The following GIGYF2 variants were observed in gnomAD, a reference collection of about 807,000 sequenced individuals.
GIGYF2 encodes GRB10 interacting GYF protein 2.
A neutral mutation model predicts 208.1 loss-of-function variants in GIGYF2; 25 were observed. The observed-to-expected ratio is 0.12, with a 90% confidence interval of 0.09 to 0.17. The LOEUF is 0.17. GIGYF2 is among the 10% of genes least tolerant of loss of function. The pLI is 1.00. For missense variants in GIGYF2, 1,302 were observed against 1,579.4 expected (o/e 0.82, Z 2.98); for synonymous variants, 534 against 543.8 (o/e 0.98, Z 0.25).
intron 21 of GIGYF2, among the ~76,000 whole-genome samples, chr2:232,829,085 T>G (rs1442523476): frequency 1.3e-5 from 2 of 152,234 alleles, no homozygotes; most frequent in Non-Finnish European, 2.9e-5. Context: ...GCCATGCATT[T>G]TCATCTTAAG....
At chr2:232,780,924 T>G (rs1046697929) in intron 8 of GIGYF2, among the ~76,000 whole-genome samples, 1 of 152,080 alleles carries the variant, frequency 6.6e-6, no homozygotes, top group Non-Finnish European at 1.5e-5. Context: ...TGCCCATGAA[T>G]GACTTTAATA....
In GIGYF2 at chr2:232,847,357, T is replaced by C. The variant is rs778878138; in HGVS notation, c.3470T>C (p.Phe1157Ser). 6.2e-7 allele frequency: 1 copy of C among 1,611,518 alleles called. No homozygotes were observed. The highest frequency in any genetic ancestry group is 8.5e-7 in the Non-Finnish European group (1 of 1,177,996). The change falls in exon 27 of 29, where the codon TTT becomes TCT. Residue 1157 changes from phenylalanine (F) to serine (S), a missense_variant. Phe to Ser is a radical substitution (Grantham distance 155). Coordinates refer to ENST00000373563, the MANE Select transcript of GIGYF2 (RefSeq NM_001103146.3). ...NTANNLDVPTFVSFLKEVESP... is the reference protein window; with the variant it reads ...NTANNLDVPTSVSFLKEVESP... The stretch of plus-strand genomic sequence containing the variant: ...CCCTCCCGTTTTGCAGTTCCCACAT[T>C]TGTTTCTTTCCTGAAAGAAGTAGAA...
At chr2:232,829,348 A>G (rs1436810498) in intron 21 of GIGYF2, among the ~76,000 whole-genome samples, 1 of 152,044 alleles carries the variant, frequency 6.6e-6, no homozygotes, top group African/African-American at 2.4e-5. Context: ...CACGGTATAT[A>G]TTTTTTTCCT....
chr2:232,737,945 C>T (rs1186825777), intron 3 of GIGYF2, among the ~76,000 whole-genome samples: 2 of 134,040 alleles, frequency 1.5e-5, no homozygotes, highest in African/African-American at 2.9e-5. Flanking sequence ...TGGAGTCAGC[C>T]TCGCTCTGTC....
At chr2:232,812,553 C>T (rs1700764467) in intron 18 of GIGYF2, 62 bp downstream of exon 18, 1 of 738,678 alleles carries the variant, frequency 1.4e-6, no homozygotes, top group Non-Finnish European at 2.5e-6. Flanking sequence ...AATAATTTTA[C>T]AATTCAGTTC....
intron 8 of GIGYF2, among the ~76,000 whole-genome samples, chr2:232,781,370 C>T (rs970954469): frequency 2.1e-5 from 3 of 140,698 alleles, no homozygotes; most frequent in Non-Finnish European, 4.6e-5. Context: ...ACCCACCCAT[C>T]CAAATTTACA....
chr2:232,845,425 C>T (rs1390221161), intron 25 of GIGYF2, among the ~76,000 whole-genome samples: 6 of 152,056 alleles, frequency 3.9e-5, no homozygotes, highest in Admixed American at 1.3e-4. Context: ...TTGTTAGTAC[C>T]GTTTTACAGA....
rs1234387871 is a variant in GIGYF2, at chr2:232,762,249, T to G, written c.532+813T>G. Among the ~76,000 whole-genome samples, 820 of 136,252 alleles carry G rather than the reference T, an allele frequency of 6.0e-3. 10 individuals are homozygous for G. Among genetic ancestry groups the G allele is most frequent in the African/African-American group, 0.02 (714 of 36,348 alleles). 89.4% of individuals were successfully genotyped at this position (136,252 alleles called of 152,430 possible). ...GTCTTTTTTTTTTTGTTTTTTTTTT[T>G]GTTTTTTTTTGAGACAGAGTCTCAG... is the stretch of plus-strand genomic sequence containing the variant. On this transcript the variant is annotated intron_variant, in intron 8 of 28. Transcript: ENST00000373563.
intron 2 of GIGYF2, among the ~76,000 whole-genome samples, chr2:232,727,968 G>A (rs557002860): frequency 3.3e-5 from 5 of 152,184 alleles, no homozygotes; most frequent in East Asian, 3.9e-4. Context: ...AAAAATACCC[G>A]CAACATTGAG....
At chr2:232,711,733 A>ATATAT (rs1382378465) in intron 2 of GIGYF2, among the ~76,000 whole-genome samples, 3 of 145,598 alleles carry the variant, frequency 2.1e-5, no homozygotes, top group African/African-American at 5.0e-5. Context: ...ATATAGTTGT[A>ATATAT]ATAGAATTTC....
chr2:232,745,307 T>TG (rs1698110741), intron 3 of GIGYF2, among the ~76,000 whole-genome samples: 2 of 152,072 alleles, frequency 1.3e-5, no homozygotes, highest in African/African-American at 4.8e-5. Context: ...TCCCTGGAAA[T>TG]GATTGATTTC....
intron 14 of GIGYF2, among the ~76,000 whole-genome samples, chr2:232,803,218 T>C (rs1700453923): frequency 1.3e-5 from 2 of 152,270 alleles, no homozygotes; most frequent in Admixed American, 1.3e-4. Context: ...TTACTGATTC[T>C]AGATACTAGT....
rs34222655 is a variant in GIGYF2, at chr2:232,806,015, G to GTT, written c.1640-471_1640-470dup. On this transcript the variant is annotated intron_variant, in intron 14 of 28. Coordinates refer to ENST00000373563, the MANE Select transcript of GIGYF2 (RefSeq NM_001103146.3). This position sits in a 1 kb window ranked among gnomAD's most constrained non-coding sequence, Gnocchi z 4.0. ...ATTATAAAACATTTAGAGAATACTC[G>GTT]TTTTTTCCCCACTACCAAGATCAGA... Among the ~76,000 whole-genome samples, 1 of 151,960 alleles carries GTT rather than the reference G, an allele frequency of 6.6e-6. No homozygotes were observed. The highest frequency in any genetic ancestry group is 1.9e-4 in the East Asian group (1 of 5,176).
intron 14 of GIGYF2, among the ~76,000 whole-genome samples, chr2:232,796,964 C>T (rs902900170): frequency 2.0e-5 from 3 of 152,074 alleles, no homozygotes; most frequent in Non-Finnish European, 4.4e-5. Flanking sequence ...ACGTTTAAGA[C>T]GCTCAGCTCT....
At chr2:232,794,673 C>T (rs1471016319) in intron 12 of GIGYF2, 75 bp from the exon 13 acceptor site, 23 of 1,154,958 alleles carry the variant, frequency 2.0e-5, no homozygotes, top group South Asian at 4.9e-5. Flanking sequence ...GCAGGCTGTG[C>T]GACTTGATAA....
At chr2:232,750,940 C>T (rs1698315947) in intron 5 of GIGYF2, among the ~76,000 whole-genome samples, 1 of 152,176 alleles carries the variant, frequency 6.6e-6, no homozygotes, top group South Asian at 2.1e-4. Context: ...AGGGATTCTC[C>T]TGTCTCAGCC....
At chr2:232,771,314 A>G (rs1393312729) in intron 8 of GIGYF2, 2 of 1,612,172 alleles carry the variant, frequency 1.2e-6, no homozygotes, top group East Asian at 2.2e-5. Context: ...ATCCTCCGGT[A>G]TCTTTGACTT....
At chr2:232,821,736 A>G (rs757487519) in intron 21 of GIGYF2, among the ~76,000 whole-genome samples, 5 of 152,050 alleles carry the variant, frequency 3.3e-5, no homozygotes, top group African/African-American at 9.7e-5. Context: ...TTTTGTTTCT[A>G]TGTAAGAAAT....
At chr2:232,718,808 C>CT (rs1696815270) in intron 2 of GIGYF2, among the ~76,000 whole-genome samples, 1 of 152,058 alleles carries the variant, frequency 6.6e-6, no homozygotes, top group Admixed American at 6.6e-5. Context: ...AGGAGTTGGT[C>CT]TTTTTTCTGC....
Sources: allele counts gnomAD v4.1 joint callset (sites outside exome capture counted in the v4.1 genomes callset), GRCh38; gene constraint gnomAD v4.1.1; non-coding constraint Gnocchi (gnomAD v3.1); transcripts MANE v1.5; gene names NCBI Gene and HGNC (gene_info 2026-07-23, HGNC 2026-07-21).